RBFOX3: variants seen among roughly 807,000 people sequenced by gnomAD.
The protein encoded by RBFOX3 is RNA binding fox-1 homolog 3.
RBFOX3 carries 17 observed loss-of-function variants against 48.7 expected under a neutral mutation model. The observed-to-expected ratio is 0.35, with a 90% CI of 0.24 to 0.52. The LOEUF (loss-of-function observed/expected upper bound fraction) is 0.52, where lower values mean the gene tolerates loss of function less well. Among genes scored for constraint, RBFOX3 ranks in the 20% least tolerant of loss-of-function variants. RBFOX3 has a pLI of 0.94. For missense variants in RBFOX3, 382 were observed against 497.5 expected, an observed-to-expected ratio of 0.77 and a Z score of 2.21; for synonymous variants, 212 against 209.5, an observed-to-expected ratio of 1.01 and a Z score of -0.10.
chr17:79,297,310 C>T (rs1471341962), intron 3 of RBFOX3, among the ~76,000 whole-genome samples: 1 of 152,196 alleles, frequency 6.6e-6, no homozygotes, highest in African/African-American at 2.4e-5. Context: ...TTATCTATGG[C>T]CAAGGTGCCC....
At chr17:79,483,211 G>T (rs1257051732) in intron 1 of RBFOX3, among the ~76,000 whole-genome samples, 20 of 151,892 alleles carry the variant, frequency 1.3e-4, no homozygotes, top group African/African-American at 4.6e-4. Flanking sequence ...AACATACGAG[G>T]TCTCACATGG....
At chr17:79,197,126 G>A (rs887744208) in intron 4 of RBFOX3, among the ~76,000 whole-genome samples, 7 of 150,656 alleles carry the variant, frequency 4.6e-5, no homozygotes, top group Non-Finnish European at 7.4e-5. Context: ...TGGGTAAAAT[G>A]GAAGGAGGTG....
intron 2 of RBFOX3, among the ~76,000 whole-genome samples, chr17:79,329,583 A>G (rs2079897198): frequency 6.6e-6 from 1 of 152,156 alleles, no homozygotes; most frequent in South Asian, 2.1e-4. Context: ...CTTCCCTGGA[A>G]GGAGCTCTGC....
chr17:79,591,846 G>T (rs12949917), intron 1 of RBFOX3, among the ~76,000 whole-genome samples: 3 of 151,418 alleles, frequency 2.0e-5, no homozygotes, highest in Non-Finnish European at 4.4e-5. Context: ...GTGTGGAGGG[G>T]TGTGCACGTG....
intron 1 of RBFOX3, among the ~76,000 whole-genome samples, chr17:79,554,249 C>A (rs1321280508): frequency 6.6e-6 from 1 of 151,980 alleles, no homozygotes; most frequent in East Asian, 1.9e-4. Flanking sequence ...TACTTTTGTT[C>A]TCTCATTTTT....
At chr17:79,450,298 C>T (rs546672592) in intron 2 of RBFOX3, among the ~76,000 whole-genome samples, 7 of 152,292 alleles carry the variant, frequency 4.6e-5, no homozygotes, top group African/African-American at 1.7e-4. Flanking sequence ...CCTTCTCAGG[C>T]TGTGAATGAA....
chr17:79,271,247 T>C (rs1014659628), intron 3 of RBFOX3, among the ~76,000 whole-genome samples: 2 of 152,130 alleles, frequency 1.3e-5, no homozygotes, highest in African/African-American at 4.8e-5. Context: ...TGCTAATTTT[T>C]GTATTTTTAG....
At chr17:79,459,445 T>C (rs2075072094) in intron 2 of RBFOX3, among the ~76,000 whole-genome samples, 1 of 152,130 alleles carries the variant, frequency 6.6e-6, no homozygotes, top group African/African-American at 2.4e-5. Flanking sequence ...TGTGACCAGA[T>C]GGTACAGAGC....
At chr17:79,483,912 G>A (rs1403883747) in intron 1 of RBFOX3, among the ~76,000 whole-genome samples, 1 of 152,212 alleles carries the variant, frequency 6.6e-6, no homozygotes, top group Non-Finnish European at 1.5e-5. Context: ...GAAGGATTCT[G>A]TTTGTTTAGT....
At chr17:79,559,286 T>C (rs1481858336) in intron 1 of RBFOX3, among the ~76,000 whole-genome samples, 1 of 151,720 alleles carries the variant, frequency 6.6e-6, no homozygotes, top group Non-Finnish European at 1.5e-5. Flanking sequence ...TGGTGGGTCA[T>C]GGTGGGTGGT....
At chr17:79,458,635 A>G (rs2074941394) in intron 2 of RBFOX3, among the ~76,000 whole-genome samples, 1 of 152,008 alleles carries the variant, frequency 6.6e-6, no homozygotes, top group African/African-American at 2.4e-5. Flanking sequence ...TTGTCACAGC[A>G]AGTAAGTGAG....
chr17:79,609,288 G>A (rs1342529741), intron 1 of RBFOX3, among the ~76,000 whole-genome samples: 3 of 152,156 alleles, frequency 2.0e-5, no homozygotes, highest in African/African-American at 7.2e-5. Context: ...CCTCCTACCT[G>A]CTCCACGCTA....
At chr17:79,514,850 G>A (rs1422818769) in intron 1 of RBFOX3, among the ~76,000 whole-genome samples, 13 of 152,234 alleles carry the variant, frequency 8.5e-5, no homozygotes, top group Non-Finnish European at 1.8e-4. Flanking sequence ...AAATGGAACC[G>A]TGCAGAAGCT....
intron 2 of RBFOX3, among the ~76,000 whole-genome samples, chr17:79,356,390 G>A (rs1162643855): frequency 6.2e-5 from 3 of 48,700 alleles, no homozygotes; most frequent in Admixed American, 4.6e-4. Context: ...TTTTTTTGAG[G>A]AGGAGTCTCA....
chr17:79,613,733 G>A (rs2093983532), upstream of RBFOX3, among the ~76,000 whole-genome samples: 1 of 152,214 alleles, frequency 6.6e-6, no homozygotes, highest in African/African-American at 2.4e-5. Flanking sequence ...CAGCACTTTG[G>A]GAGGCTGAGG....
Position 79,259,752 on chromosome 17 carries a change from G to A in RBFOX3, c.-73-23947C>T, listed in dbSNP as rs916529236. Among the ~76,000 whole-genome samples the A allele has an allele frequency of 3.9e-5, 6 of 152,170 alleles. 1 individual carries two copies. In the South Asian group the frequency reaches 1.2e-3, roughly 31 times the overall value. On this transcript the variant is annotated intron_variant, in intron 3 of 14. Coordinates refer to ENST00000693108, the MANE Select transcript of RBFOX3 (RefSeq NM_001350451.2). ...CGCAGGGACAGGCTCGGTGTGGCCTGGGTGTCTAGGTGCCCCCGCATCTCA... is the reference window on the plus strand; with the variant it reads ...CGCAGGGACAGGCTCGGTGTGGCCTAGGTGTCTAGGTGCCCCCGCATCTCA...
At chr17:79,643,565 C>T in the RBFOX3 span, among the ~76,000 whole-genome samples, 4 of 152,120 alleles carry the variant, frequency 2.6e-5, no homozygotes, top group African/African-American at 9.7e-5. Flanking sequence ...TCATACATTT[C>T]AAAAGATTGA....
At chr17:79,094,002 T>C (rs888534630) in intron 14 of RBFOX3, among the ~76,000 whole-genome samples, 3 of 151,954 alleles carry the variant, frequency 2.0e-5, no homozygotes, top group Non-Finnish European at 4.4e-5. Context: ...TCGGATGCGA[T>C]GCGAGGGGGC....
At chr17:79,215,718 C>T (rs1429077991) in intron 4 of RBFOX3, among the ~76,000 whole-genome samples, 2 of 152,254 alleles carry the variant, frequency 1.3e-5, no homozygotes, top group African/African-American at 4.8e-5. Context: ...CCAGCAGGAG[C>T]GTATCCCCCA....
Sources: allele counts gnomAD v4.1 joint callset (sites outside exome capture counted in the v4.1 genomes callset), GRCh38; gene constraint gnomAD v4.1.1; transcripts MANE v1.5; gene names NCBI Gene and HGNC (gene_info 2026-07-23, HGNC 2026-07-21).